Variants in PKHD1 observed in about 807,000 individuals in gnomAD.
PKHD1 encodes PKHD1 ciliary IPT domain containing fibrocystin/polyductin.
PKHD1 carries 291 observed loss-of-function variants against 412.0 expected under a neutral mutation model. That is an observed-to-expected ratio of 0.71 (90% CI 0.64 to 0.78). The LOEUF (loss-of-function observed/expected upper bound fraction) is 0.78, where lower values mean the gene tolerates loss of function less well. PKHD1 is among the 30% of genes least tolerant of loss of function. The probability of loss-of-function intolerance (pLI) is 0.00; values close to 1 mark genes in which losing one functional copy is unlikely to be tolerated. For missense variants in PKHD1, 4,825 were observed against 4,950.7 expected, an observed-to-expected ratio of 0.97 and a Z score of 0.76; for synonymous variants, 1,777 against 1,821.5, an observed-to-expected ratio of 0.98 and a Z score of 0.62.
At chr6:51,720,891 C>T in intron 60 of PKHD1, 1 of 590,360 alleles carries the variant, frequency 1.7e-6, no homozygotes, top group African/African-American at 2.0e-5. Flanking sequence ...ACTTGGCATA[C>T]AGTAAATGCC....
rs142855690 is a variant in PKHD1 at position 51,659,119 on chromosome 6, C to T, written c.11007G>A (p.Ser3669=). ...SKVIVIEIGD[S]PTVRSTGMIS... ...TCATTCCAGTGCTCCTTACTGTTGGCGAATCACCAATTTCAATGACAATCA... is the reference window on the plus strand; with the variant it reads ...TCATTCCAGTGCTCCTTACTGTTGGTGAATCACCAATTTCAATGACAATCA... The change falls in exon 61 of 67, where the codon TCG becomes TCA. Residue 3669 remains serine (S), a synonymous_variant. Transcript: ENST00000371117. 1.0e-4 allele frequency: 161 copies of T among 1,613,794 alleles called. No homozygotes were observed. In the Middle Eastern group the frequency reaches 3.8e-3, roughly 38 times the overall value.
chr6:51,865,298 T>G (rs1341773107), intron 48 of PKHD1, among the ~76,000 whole-genome samples: 2 of 152,288 alleles, frequency 1.3e-5, no homozygotes, highest in Non-Finnish European at 2.9e-5. Context: ...TGGCAGTTTT[T>G]TCTTCACCCA....
chr6:51,783,067 C>A (rs1019543716), intron 53 of PKHD1, among the ~76,000 whole-genome samples: 1 of 152,086 alleles, frequency 6.6e-6, no homozygotes, highest in Non-Finnish European at 1.5e-5. Flanking sequence ...CTTCTGGCTA[C>A]AAATGTGAGA....
Position 52,044,971 on chromosome 6 carries a change from T to C in PKHD1, c.2710A>G (p.Thr904Ala). The C allele has an allele frequency of 6.2e-7, 1 of 1,613,574 alleles. No homozygotes were observed. The highest frequency in any genetic ancestry group is 8.5e-7 in the Non-Finnish European group (1 of 1,179,560). Residue 904 changes from threonine (T) to alanine (A), a missense_variant, in exon 25 of 67, where the codon ACT becomes GCT. By Grantham distance (58) the Thr-to-Ala change is moderately conservative. Coordinates refer to ENST00000371117, the MANE Select transcript of PKHD1 (RefSeq NM_138694.4). Reference sequence around the variant, plus strand: ...GGTGGCCCATTCACTCTCACCTGAGTATGCTGGTTGGCAGTAGCCAACATG... The same window carrying C: ...GGTGGCCCATTCACTCTCACCTGAGCATGCTGGTTGGCAGTAGCCAACATG... ...GDMLATANQH[T>A]QVVVRVNDVP...
At chr6:51,679,463 C>A (rs1776330701) in intron 60 of PKHD1, among the ~76,000 whole-genome samples, 4 of 151,768 alleles carry the variant, frequency 2.6e-5, no homozygotes, top group African/African-American at 9.7e-5. Flanking sequence ...CTCTCCCTGC[C>A]AGGGGAATGT....
At chr6:52,005,896 T>C (rs909329827) in intron 35 of PKHD1, among the ~76,000 whole-genome samples, 3 of 150,612 alleles carry the variant, frequency 2.0e-5, no homozygotes, top group African/African-American at 4.9e-5. Flanking sequence ...AAAAGCAACA[T>C]ATTAACCAGT....
At chr6:51,909,069 G>A (rs1782568861) in intron 40 of PKHD1, among the ~76,000 whole-genome samples, 1 of 152,110 alleles carries the variant, frequency 6.6e-6, no homozygotes, top group Non-Finnish European at 1.5e-5. Flanking sequence ...ACCAGAATTT[G>A]TTGGGGTAAG....
intron 43 of PKHD1, among the ~76,000 whole-genome samples, chr6:51,896,260 C>A (rs1387862357): frequency 1.3e-5 from 2 of 151,918 alleles, no homozygotes; most frequent in East Asian, 3.9e-4. Flanking sequence ...ACTTAAATGT[C>A]CCTGTCTGAC....
At chr6:51,911,774 A>C in intron 39 of PKHD1, 25 bp downstream of exon 39, 2 of 1,600,488 alleles carry the variant, frequency 1.2e-6, no homozygotes, top group Non-Finnish European at 1.7e-6. Flanking sequence ...TGCTCATTAG[A>C]CTTTCCAACA....
At chr6:51,967,951 C>T (rs1793080422) in intron 35 of PKHD1, among the ~76,000 whole-genome samples, 1 of 152,166 alleles carries the variant, frequency 6.6e-6, no homozygotes, top group Non-Finnish European at 1.5e-5. Context: ...ATTGAATACA[C>T]AGGAGCGTAC....
chr6:51,836,577 T>C, intron 50 of PKHD1, 108 bp from the exon 51 acceptor site: 1 of 789,146 alleles, frequency 1.3e-6, no homozygotes, highest in South Asian at 1.5e-5. Flanking sequence ...GTTGCCTAAA[T>C]TTTCAAAACA....
At chr6:51,920,991 T>C (rs575470139) in intron 37 of PKHD1, among the ~76,000 whole-genome samples, 13 of 152,254 alleles carry the variant, frequency 8.5e-5, no homozygotes, top group African/African-American at 2.9e-4. Context: ...TTTTTTATTG[T>C]GTCTATTTGA....
At chr6:51,795,974 G>A (rs966211156) in intron 52 of PKHD1, among the ~76,000 whole-genome samples, 9 of 151,532 alleles carry the variant, frequency 5.9e-5, no homozygotes, top group African/African-American at 1.7e-4. Context: ...ATATTGACCC[G>A]AATTTGTCTT....
chr6:51,700,605 C>A (rs1270719197), intron 60 of PKHD1, among the ~76,000 whole-genome samples: 1 of 152,036 alleles, frequency 6.6e-6, no homozygotes, highest in African/African-American at 2.4e-5. Context: ...TTACTGCACC[C>A]CAGCCCCTCA....
At chr6:51,727,152 A>G (rs552435690) in intron 60 of PKHD1, among the ~76,000 whole-genome samples, 3 of 152,232 alleles carry the variant, frequency 2.0e-5, no homozygotes, top group Non-Finnish European at 4.4e-5. Flanking sequence ...ATAACTGAGC[A>G]GCTTAGCAGC....
intron 57 of PKHD1, 122 bp from the exon 58 acceptor site, chr6:51,748,787 C>T (rs1785604241): frequency 9.8e-6 from 8 of 814,112 alleles, no homozygotes; most frequent in South Asian, 9.7e-5. Context: ...TTCTCAACAC[C>T]AACATTATAT....
chr6:51,872,206 A>G (rs1776083073), intron 46 of PKHD1, among the ~76,000 whole-genome samples: 1 of 150,514 alleles, frequency 6.6e-6, no homozygotes, highest in South Asian at 2.1e-4. Context: ...AAATAATTGA[A>G]GAATACTGTG....
At chr6:51,789,233 A>G (rs1459262972) in intron 53 of PKHD1, among the ~76,000 whole-genome samples, 1 of 152,224 alleles carries the variant, frequency 6.6e-6, no homozygotes, top group Non-Finnish European at 1.5e-5. Flanking sequence ...TAAAAATCTT[A>G]AAATATGTTC....
At chr6:51,976,872 C>T (rs1259210589) in intron 35 of PKHD1, among the ~76,000 whole-genome samples, 1 of 139,056 alleles carries the variant, frequency 7.2e-6, no homozygotes, top group African/African-American at 2.7e-5. Flanking sequence ...CACTTGAACC[C>T]GGGAGGCGGA....
Sources: gnomAD v4.1 joint callset for allele counts (sites outside exome capture counted in the v4.1 genomes callset) on GRCh38, gnomAD v4.1.1 for gene constraint, MANE v1.5 for transcripts, NCBI Gene and HGNC (gene_info 2026-07-23, HGNC 2026-07-21) for gene names.